CNTNAP2: variants seen among roughly 807,000 people sequenced by gnomAD.
The protein encoded by CNTNAP2 is contactin associated protein 2.
A neutral mutation model predicts 155.2 loss-of-function variants in CNTNAP2; 98 were observed. The ratio of observed to expected loss-of-function variants is 0.63; its 90% confidence interval spans 0.54 to 0.75. The LOEUF (loss-of-function observed/expected upper bound fraction) is 0.75, where lower values mean the gene tolerates loss of function less well. Among genes scored for constraint, CNTNAP2 ranks in the 30% least tolerant of loss-of-function variants. The pLI, the probability that CNTNAP2 is intolerant of heterozygous loss-of-function variation, is 0.00. For missense variants in CNTNAP2, 1,727 were observed against 1,688.1 expected, an observed-to-expected ratio of 1.02 and a Z score of -0.40; for synonymous variants, 651 against 631.2, an observed-to-expected ratio of 1.03 and a Z score of -0.47.
intron 15 of CNTNAP2, among the ~76,000 whole-genome samples, chr7:147,997,556 CAAAA>C (rs34678249): frequency 2.3e-5 from 3 of 131,928 alleles, no homozygotes; most frequent in African/African-American, 2.6e-5. Flanking sequence ...AACTCTGTCT[CAAAA>C]AAAAAAAAAA....
At chr7:148,147,934 C>G (rs1805223435) in intron 17 of CNTNAP2, among the ~76,000 whole-genome samples, 1 of 152,126 alleles carries the variant, frequency 6.6e-6, no homozygotes, top group South Asian at 2.1e-4. Flanking sequence ...TCACTGTCCT[C>G]AGCTATAAAA....
At chr7:147,181,282 C>T (rs1421098322) in intron 8 of CNTNAP2, among the ~76,000 whole-genome samples, 3 of 152,176 alleles carry the variant, frequency 2.0e-5, no homozygotes, top group Non-Finnish European at 2.9e-5. Flanking sequence ...AGTGAATGGA[C>T]TGAACAGGAG....
chr7:147,339,490 G>A (rs1275479260), intron 9 of CNTNAP2, among the ~76,000 whole-genome samples: 1 of 152,098 alleles, frequency 6.6e-6, no homozygotes, highest in Non-Finnish European at 1.5e-5. Flanking sequence ...GCCCAGTCTT[G>A]AACTTTGCAG....
intron 9 of CNTNAP2, among the ~76,000 whole-genome samples, chr7:147,340,669 C>T (rs899620): frequency 0.16 from 24,857 of 152,120 alleles, 2,345 homozygotes; most frequent in East Asian, 0.35. Flanking sequence ...GTCCTAAAAA[C>T]AGTGACATAT....
chr7:147,821,938 A>C (rs1302287585), intron 13 of CNTNAP2, among the ~76,000 whole-genome samples: 1 of 152,180 alleles, frequency 6.6e-6, no homozygotes, highest in Non-Finnish European at 1.5e-5. Flanking sequence ...TGGGGGAAAA[A>C]TAACAGATTA....
At chr7:147,475,692 T>C (rs1798308278) in intron 10 of CNTNAP2, among the ~76,000 whole-genome samples, 2 of 152,318 alleles carry the variant, frequency 1.3e-5, no homozygotes, top group Non-Finnish European at 2.9e-5. Flanking sequence ...GTGTCTTCAT[T>C]AGAAAGGCCC....
chr7:146,497,014 C>T (rs1318896106), intron 1 of CNTNAP2, among the ~76,000 whole-genome samples: 1 of 152,174 alleles, frequency 6.6e-6, no homozygotes, highest in Non-Finnish European at 1.5e-5. Context: ...CCAAGGTCCA[C>T]AGTACATGTA....
At chr7:146,574,013 C>A (rs1206877438) in intron 1 of CNTNAP2, among the ~76,000 whole-genome samples, 1 of 151,982 alleles carries the variant, frequency 6.6e-6, no homozygotes, top group Non-Finnish European at 1.5e-5. Context: ...TTTCTGGATA[C>A]GCCATTTAAC....
At chr7:146,523,514 A>T (rs1797645362) in intron 1 of CNTNAP2, among the ~76,000 whole-genome samples, 1 of 152,038 alleles carries the variant, frequency 6.6e-6, no homozygotes, top group South Asian at 2.1e-4. Context: ...GTCCAAAATA[A>T]CCTTTCCAAC....
chr7:147,315,273 G>T (rs1795204485), intron 9 of CNTNAP2, among the ~76,000 whole-genome samples: 1 of 107,044 alleles, frequency 9.3e-6, no homozygotes, highest in African/African-American at 4.3e-5. Context: ...CATTTAAAGT[G>T]AATAACTTGG....
At chr7:147,865,823 T>A (rs1799217153) in intron 13 of CNTNAP2, among the ~76,000 whole-genome samples, 1 of 152,188 alleles carries the variant, frequency 6.6e-6, no homozygotes, top group Non-Finnish European at 1.5e-5. Flanking sequence ...TCTGTTTTCA[T>A]TAGTCTTGCT....
chr7:146,891,258 A>G (rs1458890940), intron 3 of CNTNAP2, among the ~76,000 whole-genome samples: 1 of 152,126 alleles, frequency 6.6e-6, no homozygotes, highest in Admixed American at 6.6e-5. Flanking sequence ...AGTGGAGGAG[A>G]CAGGAATGGG....
Position 146,579,748 on chromosome 7 carries a change from A to C in CNTNAP2, c.98-194523A>C, listed in dbSNP as rs576379312. 1.3e-4 allele frequency among the ~76,000 whole-genome samples: 20 copies of C among 152,278 alleles called. No homozygotes were observed. In the East Asian group the frequency reaches 3.5e-3, roughly 26 times the overall value. ...ACATGAATCTAACAAACAACCAAAA[A>C]TACAAACGACATTGAGTAGAAAATA... On this transcript the variant is annotated intron_variant, in intron 1 of 23. Coordinates refer to ENST00000361727, the MANE Select transcript of CNTNAP2 (RefSeq NM_014141.6).
intron 8 of CNTNAP2, among the ~76,000 whole-genome samples, chr7:147,268,379 G>A (rs1181782554): frequency 6.6e-6 from 1 of 152,162 alleles, no homozygotes; most frequent in Admixed American, 6.5e-5. Context: ...GAACATGGAT[G>A]AAGCTGGAAA....
intron 1 of CNTNAP2, among the ~76,000 whole-genome samples, chr7:146,546,810 G>A (rs1317998169): frequency 6.6e-6 from 1 of 151,856 alleles, no homozygotes; most frequent in Non-Finnish European, 1.5e-5. Flanking sequence ...GACCTCGTAA[G>A]AACTCACTCA....
At chr7:148,198,858 C>A (rs1795322000) in intron 18 of CNTNAP2, among the ~76,000 whole-genome samples, 2 of 152,234 alleles carry the variant, frequency 1.3e-5, no homozygotes, top group South Asian at 4.1e-4. Context: ...CTGGTGGATA[C>A]AACTTTTGAA....
At position 146,625,779 on chromosome 7, in the gene CNTNAP2, T is replaced by C. The variant is rs139863533; in HGVS notation, c.98-148492T>C. 3.6e-3 allele frequency among the ~76,000 whole-genome samples: 546 copies of C among 152,144 alleles called. 3 individuals carry two copies. The highest frequency in any genetic ancestry group is 5.9e-3 in the Non-Finnish European group (402 of 67,924). ...AAAAATACGGTTTCAGTAATTCTCA[T>C]AAGTAATTCAGCGATGAGCTATCAG... On this transcript the variant is annotated intron_variant, in intron 1 of 23. Coordinates refer to ENST00000361727, the MANE Select transcript of CNTNAP2 (RefSeq NM_014141.6).
At chr7:148,170,439 G>A (rs1411432605) in intron 17 of CNTNAP2, among the ~76,000 whole-genome samples, 1 of 152,212 alleles carries the variant, frequency 6.6e-6, no homozygotes, top group East Asian at 1.9e-4. Context: ...ATCAGGCAAA[G>A]GCCCTCATTC....
At chr7:147,360,199 G>A (rs1796124532) in intron 9 of CNTNAP2, among the ~76,000 whole-genome samples, 1 of 151,958 alleles carries the variant, frequency 6.6e-6, no homozygotes, top group Non-Finnish European at 1.5e-5. Context: ...TTCAGTTACT[G>A]TTTTCATAAA....
Sources: gnomAD v4.1 joint callset for allele counts (sites outside exome capture counted in the v4.1 genomes callset) on GRCh38, gnomAD v4.1.1 for gene constraint, MANE v1.5 for transcripts, NCBI Gene and HGNC (gene_info 2026-07-23, HGNC 2026-07-21) for gene names.